The following FHIT variants were observed in gnomAD, a reference collection of about 807,000 sequenced individuals.
The protein encoded by FHIT is fragile histidine triad diadenosine triphosphatase, also known as bis(5'-adenosyl)-triphosphatase.
FHIT carries 19 observed loss-of-function variants against 17.9 expected under a neutral mutation model. The observed-to-expected ratio is 1.06, with a 90% confidence interval of 0.74 to 1.56. The LOEUF (loss-of-function observed/expected upper bound fraction) is 1.56. FHIT is among the 40% of genes most tolerant of loss of function. The pLI, the probability that FHIT is intolerant of heterozygous loss-of-function variation, is 0.00. For synonymous variants in FHIT, 81 were observed against 69.7 expected (o/e 1.16, Z -0.81); for missense variants, 248 against 189.2 (o/e 1.31, Z -1.82).
chr3:61,250,616 T>A (rs1455018527), intron 1 of FHIT, among the ~76,000 whole-genome samples: 1 of 152,134 alleles, frequency 6.6e-6, no homozygotes, highest in Admixed American at 6.5e-5. Flanking sequence ...AATCTGCAGA[T>A]GCATCTCAAG....
chr3:60,082,181 T>C (rs528613080), intron 5 of FHIT, among the ~76,000 whole-genome samples: 2 of 151,994 alleles, frequency 1.3e-5, no homozygotes, highest in South Asian at 2.1e-4. Flanking sequence ...ATGTGTACCA[T>C]GTTTGTCTGT....
chr3:60,300,391 G>A (rs1368635803), intron 5 of FHIT, among the ~76,000 whole-genome samples: 1 of 152,120 alleles, frequency 6.6e-6, no homozygotes, highest in African/African-American at 2.4e-5. Flanking sequence ...AAGAAAAAAG[G>A]AAGGGTTACA....
At chr3:59,939,683 G>C (rs1194828128) in intron 7 of FHIT, among the ~76,000 whole-genome samples, 1 of 152,154 alleles carries the variant, frequency 6.6e-6, no homozygotes, top group Non-Finnish European at 1.5e-5. Flanking sequence ...AGCCAACTCA[G>C]GCTTAACTCA....
intron 3 of FHIT, among the ~76,000 whole-genome samples, chr3:60,881,131 C>G (rs11714293): frequency 0.46 from 70,154 of 151,916 alleles, 19,088 homozygotes; most frequent in East Asian, 0.92. Context: ...AAATAAAAAG[C>G]GAGCAGGAGT....
intron 4 of FHIT, among the ~76,000 whole-genome samples, chr3:60,754,423 C>T (rs138318869): frequency 2.6e-5 from 4 of 152,276 alleles, no homozygotes; most frequent in African/African-American, 7.2e-5. Context: ...TCTTTGGTGA[C>T]AGAAGTCATA....
At chr3:60,637,108 C>T (rs1469798727) in intron 4 of FHIT, among the ~76,000 whole-genome samples, 3 of 151,898 alleles carry the variant, frequency 2.0e-5, no homozygotes, top group African/African-American at 7.3e-5. Context: ...CAAAAGAATC[C>T]CCTTCATTAA....
chr3:59,790,709 T>A (rs1333529856), intron 8 of FHIT, among the ~76,000 whole-genome samples: 1 of 151,450 alleles, frequency 6.6e-6, no homozygotes, highest in Admixed American at 6.6e-5. Context: ...AAAAGGATAA[T>A]TTTTTTTTAA....
intron 3 of FHIT, among the ~76,000 whole-genome samples, chr3:60,934,993 A>G (rs782686766): frequency 6.6e-6 from 1 of 152,128 alleles, no homozygotes; most frequent in Non-Finnish European, 1.5e-5. Flanking sequence ...CACAAGGCCA[A>G]TTTTCACCTC....
intron 7 of FHIT, among the ~76,000 whole-genome samples, chr3:59,997,082 G>C (rs1284632375): frequency 2.0e-5 from 3 of 152,102 alleles, no homozygotes. Flanking sequence ...TATATTCTAA[G>C]TACCGCAATA....
chr3:59,863,731 T>A (rs1351525941), intron 8 of FHIT, among the ~76,000 whole-genome samples: 8 of 152,196 alleles, frequency 5.3e-5, no homozygotes, highest in Non-Finnish European at 1.2e-4. Context: ...CTGAAGTACC[T>A]TCTTATAAAG....
At chr3:60,073,529 A>C (rs945188630) in intron 5 of FHIT, among the ~76,000 whole-genome samples, 1 of 151,792 alleles carries the variant, frequency 6.6e-6, no homozygotes, top group African/African-American at 2.4e-5. Context: ...TCAAAACCCT[A>C]TTTCTCTTCT....
chr3:61,205,174 G>C (rs2106710046), intron 1 of FHIT, among the ~76,000 whole-genome samples: 1 of 152,138 alleles, frequency 6.6e-6, no homozygotes, highest in African/African-American at 2.4e-5. Flanking sequence ...TGGCTGCATA[G>C]TATTCCATGG....
intron 3 of FHIT, among the ~76,000 whole-genome samples, chr3:60,878,065 C>T (rs1230101693): frequency 6.6e-6 from 1 of 152,126 alleles, no homozygotes; most frequent in African/African-American, 2.4e-5. Context: ...ACCATGCATG[C>T]TGTGCTCAAA....
intron 7 of FHIT, among the ~76,000 whole-genome samples, chr3:59,990,108 T>C (rs1709160868): frequency 1.3e-5 from 2 of 152,120 alleles, no homozygotes; most frequent in Non-Finnish European, 2.9e-5. Context: ...AGCTAAAATA[T>C]AAATATAAAT....
chr3:60,620,235 C>A (rs561878072), intron 4 of FHIT, among the ~76,000 whole-genome samples: 1 of 152,008 alleles, frequency 6.6e-6, no homozygotes, highest in African/African-American at 2.4e-5. Context: ...TCAGAAGACC[C>A]GCAATATTTT....
intron 5 of FHIT, among the ~76,000 whole-genome samples, chr3:60,056,472 A>G (rs1355408195): frequency 1.3e-5 from 2 of 152,186 alleles, no homozygotes; most frequent in African/African-American, 4.8e-5. Context: ...ACTCTTCTGC[A>G]CTCCTTATTG....
At chr3:60,346,938 G>C (rs1313692893) in intron 5 of FHIT, among the ~76,000 whole-genome samples, 1 of 152,050 alleles carries the variant, frequency 6.6e-6, no homozygotes, top group Non-Finnish European at 1.5e-5. Context: ...TTTTCCTGTA[G>C]ATCATATGGA....
At chr3:59,950,580 TCTGCTTTTCCTACTATTCTCTC>T (rs2107305153) in intron 7 of FHIT, among the ~76,000 whole-genome samples, 1 of 152,228 alleles carries the variant, frequency 6.6e-6, no homozygotes, top group Admixed American at 6.5e-5. Flanking sequence ...TCTTTTCTTT[TCTGCTTTTCCTACTATTCTCTC>T]CTGCTTTTCC....
intron 5 of FHIT, among the ~76,000 whole-genome samples, chr3:60,454,260 C>A (rs534019098): frequency 9.2e-5 from 14 of 152,282 alleles, no homozygotes; most frequent in African/African-American, 3.4e-4. Context: ...AAGCCAAAAG[C>A]AGATCAGACC....
Sources: gnomAD v4.1 joint callset for allele counts (sites outside exome capture counted in the v4.1 genomes callset) on GRCh38, gnomAD v4.1.1 for gene constraint, MANE v1.5 for transcripts, NCBI Gene and HGNC (gene_info 2026-07-23, HGNC 2026-07-21) for gene names.